The following XCR1 variants were observed in gnomAD, a reference collection of about 807,000 sequenced individuals.
XCR1 encodes the protein chemokine XC receptor 1.
For missense variants in XCR1, 356 were observed against 424.2 expected, an observed-to-expected ratio of 0.84 and a Z score of 1.41; for synonymous variants, 187 against 188.5, an observed-to-expected ratio of 0.99 and a Z score of 0.06.
At chr3:46,024,124 G>A (rs1225270804) in intron 1 of XCR1, 1 of 693,602 alleles carries the variant, frequency 1.4e-6, no homozygotes, top group Non-Finnish European at 2.6e-6. Context: ...GGATCTCCCT[G>A]AGAATATTCT....
chr3:46,057,698 C>A lies in XCR1; in HGVS notation c.-182-3628G>T, dbSNP rs565529113. Among the ~76,000 whole-genome samples the A allele has an allele frequency of 1.3e-4, 20 of 152,246 alleles. No homozygotes were observed. The South Asian group carries it at 2.1e-3, about 16-fold the overall frequency. On this transcript the variant is annotated intron_variant, in intron 4 of 5. Coordinates refer to the XCR1 transcript ENST00000683768. Reference sequence around the variant, plus strand: ...AGAGTTGAAAGGCGTGAATGCAGAACTGGTTTCCCTGAAGAAGAAATTCTG... The same window carrying A: ...AGAGTTGAAAGGCGTGAATGCAGAAATGGTTTCCCTGAAGAAGAAATTCTG...
intron 3 of XCR1, among the ~76,000 whole-genome samples, chr3:46,067,498 A>G (rs1276496520): frequency 6.6e-6 from 1 of 152,140 alleles, no homozygotes; most frequent in Non-Finnish European, 1.5e-5. Context: ...CCATGCCTTC[A>G]GTTCTGGCCA....
chr3:46,052,559 T>G (rs1329041219), intron 5 of XCR1, among the ~76,000 whole-genome samples: 1 of 152,214 alleles, frequency 6.6e-6, no homozygotes, highest in Non-Finnish European at 1.5e-5. Flanking sequence ...TCCACAATTA[T>G]AACACTTTCC....
At chr3:46,037,129 C>G (rs1697444308) in intron 5 of XCR1, among the ~76,000 whole-genome samples, 1 of 151,888 alleles carries the variant, frequency 6.6e-6, no homozygotes, top group Admixed American at 6.6e-5. Flanking sequence ...GGTTTCTTGC[C>G]TCATAGTATT....
At position 46,020,687 on chromosome 3, in the gene XCR1, AGCGT is replaced by A; in HGVS notation, c.*255_*258del. 1 of 535,024 alleles carries A rather than the reference AGCGT, an allele frequency of 1.9e-6. No homozygotes were observed. Among genetic ancestry groups the A allele is most frequent in the South Asian group, 2.5e-5 (1 of 40,332 alleles). 33.1% of individuals were successfully genotyped at this position (535,024 alleles called of 1,614,324 possible). ...TTAGAAACACATGTCTAAATGAAGG[AGCGT>A]GCAAGATGAACTCAGAGTTCAAGAA... On this transcript the variant is annotated 3_prime_UTR_variant, in exon 2 of 2. Transcript: ENST00000309285.
At chr3:46,054,405 T>C (rs768561723) in intron 4 of XCR1, among the ~76,000 whole-genome samples, 38 of 152,090 alleles carry the variant, frequency 2.5e-4, no homozygotes, top group Non-Finnish European at 3.1e-4. Flanking sequence ...ATAAACAGTT[T>C]GTTGTTTGAT....
chr3:46,022,240 G>T, intron 1 of XCR1: 1 of 328,542 alleles, frequency 3.0e-6, no homozygotes, highest in Non-Finnish European at 5.6e-6. Context: ...AGGAGGGCGA[G>T]ACTGCAGAGA....
In XCR1 at chr3:46,021,929, G is replaced by T; in HGVS notation, c.19C>A (p.Pro7Thr). 3 of 1,612,134 alleles carry T rather than the reference G, an allele frequency of 1.9e-6. No homozygotes were observed. The highest frequency in any genetic ancestry group is 2.5e-6 in the Non-Finnish European group (3 of 1,178,994). MESSGN[P>T]ESTTFFYYDL... is the part of the protein sequence containing the mutation. Reference sequence around the variant, plus strand: ...TAGTAAAAAAAGGTGGTGCTCTCTGGGTTGCCTGAGGACTCCATCTGGACC... The same window carrying T: ...TAGTAAAAAAAGGTGGTGCTCTCTGTGTTGCCTGAGGACTCCATCTGGACC... Residue 7 changes from proline (P) to threonine (T), a missense_variant, in exon 2 of 2, where the codon CCA (proline) becomes ACA (threonine). Pro to Thr is a conservative substitution (Grantham distance 38). Coordinates refer to ENST00000309285, the MANE Select transcript of XCR1 (RefSeq NM_001024644.2). This position sits in a 1 kb window ranked among gnomAD's most constrained non-coding sequence, Gnocchi z 4.7.
intron 1 of XCR1, chr3:46,023,454 T>C (rs1360791097): frequency 6.5e-6 from 10 of 1,528,100 alleles, no homozygotes; most frequent in Non-Finnish European, 9.0e-6. Context: ...CTGAGCAGGC[T>C]CGTCTTTCAC....
Position 46,073,503 on chromosome 3 carries a change from G to C in XCR1, c.-263+1148C>G, listed in dbSNP as rs529131345. Among the ~76,000 whole-genome samples, 445 of 152,242 alleles carry C rather than the reference G, an allele frequency of 2.9e-3. 1 individual carries two copies. Among genetic ancestry groups the C allele is most frequent in the South Asian group, 5.2e-3 (25 of 4,820 alleles). On this transcript the variant is annotated intron_variant, in intron 3 of 5. Coordinates refer to the XCR1 transcript ENST00000683768. ...CTTGGGAGGCTGAGGCATGAGAATT[G>C]CTTGAAGCCTGAGAGCCGGAGGTTG...
intron 1 of XCR1, chr3:46,023,985 GC>G: frequency 1.4e-6 from 2 of 1,438,444 alleles, no homozygotes; most frequent in Non-Finnish European, 1.9e-6. Flanking sequence ...GGAGCTTGCC[GC>G]CACATTCAGA....
chr3:46,083,247 A>G (rs1335260734), intron 1 of XCR1, among the ~76,000 whole-genome samples: 1 of 152,172 alleles, frequency 6.6e-6, no homozygotes, highest in East Asian at 1.9e-4. Flanking sequence ...AATGCCTCAA[A>G]ACTGATGTTC....
At chr3:46,075,791 G>A (rs1196226681) in intron 2 of XCR1, among the ~76,000 whole-genome samples, 5 of 152,152 alleles carry the variant, frequency 3.3e-5, no homozygotes, top group Admixed American at 2.6e-4. Flanking sequence ...ATGAGCACAT[G>A]AAAATATATT....
Position 46,021,925 on chromosome 3 carries a change from T to C in XCR1, c.23A>G (p.Glu8Gly), listed in dbSNP as rs1708164036. The C allele has an allele frequency of 1.9e-6, 3 of 1,612,804 alleles. No individual in the cohort carries two copies. The highest frequency in any genetic ancestry group is 2.5e-6 in the Non-Finnish European group (3 of 1,179,370). MESSGNPESTTFFYYDLQ... is the reference protein window; with the variant it reads MESSGNPGSTTFFYYDLQ... ...GTCATAGTAAAAAAAGGTGGTGCTC[T>C]CTGGGTTGCCTGAGGACTCCATCTG... Residue 8 changes from glutamate to glycine, a missense_variant, in exon 2 of 2, where the codon GAG becomes GGG. Transcript: ENST00000309285. This position sits in a 1 kb window ranked among gnomAD's most constrained non-coding sequence, Gnocchi z 4.7.
intron 3 of XCR1, among the ~76,000 whole-genome samples, chr3:46,068,364 A>G (rs2125902287): frequency 6.6e-6 from 1 of 152,258 alleles, no homozygotes; most frequent in African/African-American, 2.4e-5. Context: ...TAGTAAGTAC[A>G]GGCTTGCTTG....
In XCR1 at chr3:46,020,108, G is replaced by C. The variant is rs1395278434; in HGVS notation, c.*838C>G. On this transcript the variant is annotated 3_prime_UTR_variant, in exon 2 of 2. Transcript: ENST00000309285. ...GTGAAGTCAGCTCACTATCCACCTGGGAAGGATGAGATGTCGGAGGAGTCC... is the reference window on the plus strand; with the variant it reads ...GTGAAGTCAGCTCACTATCCACCTGCGAAGGATGAGATGTCGGAGGAGTCC... The C allele has an allele frequency of 6.6e-6, 1 of 152,236 alleles. No homozygotes were observed. Among genetic ancestry groups the C allele is most frequent in the South Asian group, 2.1e-4 (1 of 4,830 alleles). The allele number at this position is 152,236 out of a possible 1,614,324, so 9.4% of individuals were successfully genotyped here. A position where few individuals can be genotyped will look rare whatever the true frequency, so the allele number is the denominator to read the frequency against.
intron 1 of XCR1, among the ~76,000 whole-genome samples, chr3:46,026,205 T>G (rs1708284296): frequency 1.3e-5 from 2 of 152,222 alleles, no homozygotes; most frequent in African/African-American, 2.4e-5. Context: ...TTGCTGGTTA[T>G]TAATTCATTT....
At chr3:46,023,803 G>T in intron 1 of XCR1, 1 of 1,541,258 alleles carries the variant, frequency 6.5e-7, no homozygotes, top group Non-Finnish European at 8.9e-7. Context: ...AATTATAGAG[G>T]AATAGGCAAC....
At chr3:46,064,898 C>A (rs1227843416) in intron 4 of XCR1, among the ~76,000 whole-genome samples, 1 of 152,002 alleles carries the variant, frequency 6.6e-6, no homozygotes, top group Non-Finnish European at 1.5e-5. Context: ...TCAAGAACAG[C>A]CTGACCAACA....
Sources: gnomAD v4.1 joint callset for allele counts (sites outside exome capture counted in the v4.1 genomes callset) on GRCh38, gnomAD v4.1.1 for gene constraint, Gnocchi (gnomAD v3.1) non-coding constraint, MANE v1.5 for transcripts, NCBI Gene and HGNC (gene_info 2026-07-23, HGNC 2026-07-21) for gene names.